CNTN5: variants seen among roughly 807,000 people sequenced by gnomAD.
CNTN5 encodes the protein contactin-5.
A neutral mutation model predicts 129.1 loss-of-function variants in CNTN5; 77 were observed. The ratio of observed to expected loss-of-function variants is 0.60; its 90% CI spans 0.50 to 0.72. CNTN5 has a LOEUF of 0.72. CNTN5 is among the 30% of genes least tolerant of loss of function. The pLI is 0.00. For synonymous variants in CNTN5, 509 were observed against 465.6 expected (o/e 1.09, Z -1.20); for missense variants, 1,478 against 1,328.8 (o/e 1.11, Z -1.75).
chr11:99,348,020 G>A (rs1042019296), intron 2 of CNTN5, among the ~76,000 whole-genome samples: 2 of 152,074 alleles, frequency 1.3e-5, no homozygotes, highest in African/African-American at 4.8e-5. Context: ...AATAAATAAT[G>A]TTATTTATTT....
chr11:99,632,607 A>G (rs568701998), intron 3 of CNTN5, among the ~76,000 whole-genome samples: 1 of 152,316 alleles, frequency 6.6e-6, no homozygotes, highest in East Asian at 1.9e-4. Flanking sequence ...ATGGCTTTCA[A>G]CTTCACAAAA....
At chr11:100,040,545 TTGTC>T (rs1942315343) in intron 9 of CNTN5, among the ~76,000 whole-genome samples, 1 of 152,202 alleles carries the variant, frequency 6.6e-6, no homozygotes, top group African/African-American at 2.4e-5. Context: ...GTCTTTTTGT[TTGTC>T]TGTGCCCTGC....
chr11:99,168,321 T>A (rs1328614227), intron 1 of CNTN5, among the ~76,000 whole-genome samples: 1 of 145,918 alleles, frequency 6.9e-6, no homozygotes, highest in African/African-American at 2.6e-5. Flanking sequence ...GCCAGCACTT[T>A]GGGAGGCCGA....
At chr11:100,063,585 C>T (rs1244782074) in intron 10 of CNTN5, among the ~76,000 whole-genome samples, 3 of 151,688 alleles carry the variant, frequency 2.0e-5, no homozygotes, top group African/African-American at 7.3e-5. Flanking sequence ...ACATCTGCTG[C>T]CCTATGACAA....
intron 13 of CNTN5, among the ~76,000 whole-genome samples, chr11:100,170,052 A>G (rs1947776765): frequency 6.6e-6 from 1 of 151,946 alleles, no homozygotes; most frequent in African/African-American, 2.4e-5. Flanking sequence ...AAAAGAACAC[A>G]CCACAGTTCC....
chr11:99,757,169 A>G (rs1359303015), intron 3 of CNTN5, among the ~76,000 whole-genome samples: 1 of 152,032 alleles, frequency 6.6e-6, no homozygotes, highest in Non-Finnish European at 1.5e-5. Flanking sequence ...GGTATTGTCA[A>G]CAATCCATGG....
intron 13 of CNTN5, among the ~76,000 whole-genome samples, chr11:100,154,715 C>T (rs948862105): frequency 1.6e-4 from 24 of 152,118 alleles, no homozygotes; most frequent in African/African-American, 5.8e-4. Flanking sequence ...GATGGCCATT[C>T]TAACTGGCAT....
intron 13 of CNTN5, among the ~76,000 whole-genome samples, chr11:100,182,913 A>C (rs1488875181): frequency 6.6e-6 from 1 of 152,064 alleles, no homozygotes; most frequent in African/African-American, 2.4e-5. Flanking sequence ...GTAAAAAAAA[A>C]ACTCTAAATC....
intron 1 of CNTN5, among the ~76,000 whole-genome samples, chr11:99,166,114 G>A (rs1003792270): frequency 2.6e-5 from 4 of 152,126 alleles, no homozygotes; most frequent in Admixed American, 6.6e-5. Flanking sequence ...GTAAAAATGA[G>A]TAATTATGAC....
intron 2 of CNTN5, among the ~76,000 whole-genome samples, chr11:99,473,579 A>G (rs1417994608): frequency 1.3e-5 from 2 of 151,930 alleles, no homozygotes; most frequent in East Asian, 3.9e-4. Flanking sequence ...GAACACTTAC[A>G]AGATTCCTGT....
intron 8 of CNTN5, among the ~76,000 whole-genome samples, chr11:99,960,431 G>T (rs1364069863): frequency 6.6e-6 from 1 of 151,356 alleles, no homozygotes; most frequent in Non-Finnish European, 1.5e-5. Flanking sequence ...CTTCTTCTTA[G>T]ACTAACTCTA....
intron 3 of CNTN5, among the ~76,000 whole-genome samples, chr11:99,748,177 G>T (rs1467610240): frequency 6.6e-6 from 1 of 152,026 alleles, no homozygotes; most frequent in Non-Finnish European, 1.5e-5. Flanking sequence ...TGCTTCTCTT[G>T]TATTCTTATC....
intron 8 of CNTN5, among the ~76,000 whole-genome samples, chr11:99,970,300 G>A (rs12786005): frequency 0.14 from 21,024 of 152,136 alleles, 2,071 homozygotes; most frequent in African/African-American, 0.27. Context: ...AAGAAGTGAG[G>A]CCATAAGTAT....
intron 3 of CNTN5, among the ~76,000 whole-genome samples, chr11:99,598,304 C>G (rs1950193866): frequency 2.5e-5 from 1 of 40,690 alleles, no homozygotes; most frequent in Non-Finnish European, 4.2e-5. Flanking sequence ...CTTTTCTTTT[C>G]TTTTCTTTTC....
intron 2 of CNTN5, among the ~76,000 whole-genome samples, chr11:99,436,328 T>C (rs111390659): frequency 4.3e-4 from 66 of 152,314 alleles, no homozygotes; most frequent in African/African-American, 1.4e-3. Context: ...TATGAATAAA[T>C]GGAGGATCAG....
chr11:99,800,494 T>C (rs1403128528), intron 3 of CNTN5, among the ~76,000 whole-genome samples: 2 of 152,238 alleles, frequency 1.3e-5, no homozygotes, highest in East Asian at 3.9e-4. Context: ...GGGATTTCTT[T>C]GTTAGTTTTG....
At chr11:99,932,708 T>C (rs1950220926) in intron 7 of CNTN5, among the ~76,000 whole-genome samples, 1 of 152,172 alleles carries the variant, frequency 6.6e-6, no homozygotes, top group South Asian at 2.1e-4. Flanking sequence ...GTAAAGTATT[T>C]TACCCAGTGC....
At chr11:99,948,179 C>A (rs1304454430) in intron 7 of CNTN5, among the ~76,000 whole-genome samples, 1 of 152,184 alleles carries the variant, frequency 6.6e-6, no homozygotes, top group Admixed American at 6.5e-5. Context: ...AAATTATTAT[C>A]TGTGCGACTT....
At chr11:99,248,082 T>G (rs1487548211) in intron 1 of CNTN5, among the ~76,000 whole-genome samples, 1 of 152,192 alleles carries the variant, frequency 6.6e-6, no homozygotes, top group Admixed American at 6.5e-5. Flanking sequence ...CCACCAACAG[T>G]GTAAAAGTGT....
Sources: gnomAD v4.1 joint callset for allele counts (sites outside exome capture counted in the v4.1 genomes callset) on GRCh38, gnomAD v4.1.1 for gene constraint, MANE v1.5 for transcripts, NCBI Gene and HGNC (gene_info 2026-07-23, HGNC 2026-07-21) for gene names.